Variants in TAPBPL observed in about 807,000 individuals in gnomAD.
The protein encoded by TAPBPL is TAP binding protein like.
Under a neutral mutation model 44.8 loss-of-function variants are expected in TAPBPL, and 32 were observed. The ratio of observed to expected loss-of-function variants is 0.71; its 90% CI spans 0.54 to 0.96. The LOEUF is 0.96. Ranked by LOEUF, TAPBPL falls within the 40% of genes least tolerant of loss-of-function variation. The pLI, the probability that TAPBPL is intolerant of heterozygous loss-of-function variation, is 0.00. For synonymous variants in TAPBPL, 230 were observed against 240.7 expected (o/e 0.96, Z 0.41); for missense variants, 520 against 586.6 (o/e 0.89, Z 1.17).
chr12:6,463,395 A>T (rs13842), downstream of TAPBPL: 753,756 of 1,067,998 alleles, frequency 0.71, 267,190 homozygotes, highest in East Asian at 0.77. The surrounding 1 kb of genome is among the most constrained non-coding windows in gnomAD (Gnocchi z 4.0). Flanking sequence ...AGGAAGAACC[A>T]CTTGCCTCAT....
At chr12:6,457,858 C>A in intron 4 of TAPBPL, 114 bp downstream of exon 4, 1 of 1,189,952 alleles carries the variant, frequency 8.4e-7, no homozygotes, top group Non-Finnish European at 1.2e-6. Flanking sequence ...GCTTCAATCC[C>A]ACAACTTAAA....
downstream of TAPBPL, among the ~76,000 whole-genome samples, chr12:6,467,687 C>G (rs1194169380): frequency 1.3e-5 from 2 of 152,234 alleles, no homozygotes; most frequent in Admixed American, 6.5e-5. Flanking sequence ...ATGTCAGAAG[C>G]CTTCATAGCA....
upstream of TAPBPL, chr12:6,451,767 G>A (rs915167639): frequency 3.7e-6 from 1 of 268,596 alleles, no homozygotes; most frequent in African/African-American, 2.2e-5. Context: ...CCAGTTTCCT[G>A]GCCGCCTCCT....
upstream of TAPBPL, chr12:6,451,724 C>A (rs1029834469): frequency 3.4e-6 from 1 of 293,426 alleles, no homozygotes; most frequent in African/African-American, 2.2e-5. Flanking sequence ...CTGCAGCTCT[C>A]CAGCTTCCTC....
At chr12:6,470,567 C>T (rs1184210148), downstream of TAPBPL, 2 of 1,613,602 alleles carry the variant, frequency 1.2e-6, no homozygotes, top group Non-Finnish European at 1.7e-6. Context: ...TGTTCCTCTC[C>T]GGAGGCTGCG....
downstream of TAPBPL, among the ~76,000 whole-genome samples, chr12:6,468,883 C>G (rs1161328780): frequency 6.6e-6 from 1 of 152,128 alleles, no homozygotes; most frequent in Non-Finnish European, 1.5e-5. Context: ...AGTAAGAACT[C>G]CTCAAACAGA....
At position 6,453,623 on chromosome 12, in the gene TAPBPL, G is replaced by C. The variant is rs780217282; in HGVS notation, c.472G>C (p.Val158Leu). Reference protein sequence around the residue: ...VSGGGPSISLVMKTPRVTKNE... With the variant: ...VSGGGPSISLLMKTPRVTKNE... ...TGGAGGGGGACCTAGCATCTCCTTGGTGATGAAGACTCCCAGGGTCACCAA... is the reference window on the plus strand; with the variant it reads ...TGGAGGGGGACCTAGCATCTCCTTGCTGATGAAGACTCCCAGGGTCACCAA... The change falls in exon 3 of 7, where the codon GTG (valine) becomes CTG (leucine). Residue 158 changes from valine to leucine, a missense_variant. Physicochemically the swap from Val to Leu is conservative, Grantham distance 32. Transcript: ENST00000266556. This position sits in a 1 kb window ranked among gnomAD's most constrained non-coding sequence, Gnocchi z 4.8. 2 of 1,614,116 alleles carry C rather than the reference G, an allele frequency of 1.2e-6. No individual in the cohort carries two copies. Among genetic ancestry groups the C allele is most frequent in the Non-Finnish European group, 8.5e-7 (1 of 1,180,004 alleles).
chr12:6,465,345 G>T, downstream of TAPBPL: 1 of 255,296 alleles, frequency 3.9e-6, no homozygotes, highest in South Asian at 2.6e-5. Flanking sequence ...TGATTTAAAA[G>T]AAAAAGAAAA....
At chr12:6,454,335 G>A (rs1949649166) in intron 3 of TAPBPL, among the ~76,000 whole-genome samples, 1 of 152,188 alleles carries the variant, frequency 6.6e-6, no homozygotes, top group African/African-American at 2.4e-5. Context: ...GGGCATGATG[G>A]CAGGTGCCTG....
chr12:6,452,945 G>C, intron 1 of TAPBPL, 122 bp from the exon 2 acceptor site: 1 of 1,032,652 alleles, frequency 9.7e-7, no homozygotes, highest in South Asian at 1.6e-5. Flanking sequence ...CACAGAAACA[G>C]CTAGGATCTT....
At chr12:6,470,659 A>AGCTGCGCTGGAACTTACTGCAGCT, downstream of TAPBPL, 1 of 1,266,198 alleles carries the variant, frequency 7.9e-7, no homozygotes. Flanking sequence ...CCCGCGGTCT[A>AGCTGCGCTGGAACTTACTGCAGCT]GCTGCGCTGG....
chr12:6,463,011 C>T (rs1414225553), downstream of TAPBPL: 2 of 1,549,156 alleles, frequency 1.3e-6, no homozygotes, highest in Non-Finnish European at 8.7e-7. This position sits in a 1 kb window ranked among gnomAD's most constrained non-coding sequence, Gnocchi z 4.0. Flanking sequence ...GGGCCATGGG[C>T]ATTCTCCGCT....
At chr12:6,464,161 C>T (rs1226637660), downstream of TAPBPL, 1 of 1,424,988 alleles carries the variant, frequency 7.0e-7, no homozygotes. Flanking sequence ...AGCCACTCCC[C>T]TCCCTGCCCC....
At chr12:6,470,654 G>C (rs1293248850), downstream of TAPBPL, 18 of 1,310,134 alleles carry the variant, frequency 1.4e-5, no homozygotes, top group Middle Eastern at 1.8e-4. Context: ...ACTACCCCGC[G>C]GTCTAGCTGC....
chr12:6,458,375 TA>T (rs761222808), intron 4 of TAPBPL, among the ~76,000 whole-genome samples: 5,004 of 134,846 alleles, frequency 0.037, 120 homozygotes, highest in African/African-American at 0.068. Flanking sequence ...GACACCATCT[TA>T]AAAAAAAAAA....
downstream of TAPBPL, chr12:6,465,831 A>C (rs994269628): frequency 6.2e-7 from 1 of 1,613,670 alleles, no homozygotes; most frequent in Non-Finnish European, 8.5e-7. Flanking sequence ...GGAGGGGACA[A>C]GAAAATTCAC....
Position 6,453,956 on chromosome 12 carries a change from GGT to G in TAPBPL, c.565+242_565+243del, listed in dbSNP as rs142670509. ...CTTGAACCCGGAAGGCAGAGGTTGC[GGT>G]GAGCCGAGATCACACCATGGCACTT... On this transcript the variant is annotated intron_variant, in intron 3 of 6. Transcript: ENST00000266556. This position sits in a 1 kb window ranked among gnomAD's most constrained non-coding sequence, Gnocchi z 4.8. Among the ~76,000 whole-genome samples the G allele has an allele frequency of 0.14, 21,252 of 150,546 alleles. 1,916 individuals are homozygous for G. Among genetic ancestry groups the G allele is most frequent in the Non-Finnish European group, 0.21 (14,062 of 67,512 alleles).
downstream of TAPBPL, among the ~76,000 whole-genome samples, chr12:6,469,721 C>A (rs1945720795): frequency 6.6e-6 from 1 of 152,140 alleles, no homozygotes; most frequent in Non-Finnish European, 1.5e-5. Flanking sequence ...ATATTGAGGT[C>A]TTGACAGAGA....
intron 1 of TAPBPL, 114 bp from the exon 2 acceptor site, chr12:6,452,953 C>A: frequency 8.9e-7 from 1 of 1,124,350 alleles, no homozygotes; most frequent in Non-Finnish European, 1.2e-6. Context: ...CAGCTAGGAT[C>A]TTGGATGGCA....
Sources: allele counts gnomAD v4.1 joint callset (sites outside exome capture counted in the v4.1 genomes callset), GRCh38; gene constraint gnomAD v4.1.1; non-coding constraint Gnocchi (gnomAD v3.1); transcripts MANE v1.5; gene names NCBI Gene and HGNC (gene_info 2026-07-23, HGNC 2026-07-21).